The following PARVA variants were observed in gnomAD, a reference collection of about 807,000 sequenced individuals.
PARVA encodes the protein parvin alpha.
In PARVA, 25 loss-of-function variants were observed where a neutral mutation model predicts 52.6. That is an observed-to-expected ratio of 0.48 (90% CI 0.35 to 0.66). PARVA has a LOEUF of 0.66. Among genes scored for constraint, PARVA ranks in the 30% least tolerant of loss-of-function variants. The pLI is 0.01. For missense variants in PARVA, 373 were observed against 450.9 expected, an observed-to-expected ratio of 0.83 and a Z score of 1.56; for synonymous variants, 185 against 179.1, an observed-to-expected ratio of 1.03 and a Z score of -0.26.
At chr11:12,377,455 G>A, upstream of PARVA, 1 of 1,400,730 alleles carries the variant, frequency 7.1e-7, no homozygotes, top group Non-Finnish European at 9.2e-7. Flanking sequence ...CTCCTTCCAG[G>A]GCAGAGGGCG....
At chr11:12,454,332 A>G (rs1169850199) in intron 1 of PARVA, among the ~76,000 whole-genome samples, 1 of 152,222 alleles carries the variant, frequency 6.6e-6, no homozygotes, top group Non-Finnish European at 1.5e-5. Flanking sequence ...ACAAATTGCC[A>G]CTTAATGTAA....
chr11:12,452,796 TATTAA>T, intron 1 of PARVA: 1 of 288,340 alleles, frequency 3.5e-6, no homozygotes, highest in East Asian at 8.1e-5. Context: ...AGTGGCATCG[TATTAA>T]ATTATATAGG....
intron 4 of PARVA, among the ~76,000 whole-genome samples, chr11:12,483,453 C>A (rs922754205): frequency 6.6e-6 from 1 of 152,204 alleles, no homozygotes; most frequent in Non-Finnish European, 1.5e-5. Context: ...CATAGCTGGG[C>A]CCTCTGAGAA....
intron 1 of PARVA, among the ~76,000 whole-genome samples, chr11:12,413,860 A>G (rs1412650668): frequency 6.6e-6 from 1 of 152,228 alleles, no homozygotes; most frequent in Non-Finnish European, 1.5e-5. Context: ...GGTTTCTTGA[A>G]CAGGAGAAAG....
Position 12,461,214 on chromosome 11 carries a change from C to T in PARVA, c.137-12531C>T, listed in dbSNP as rs577612824. On this transcript the variant is annotated intron_variant, in intron 1 of 12. Transcript: ENST00000334956. Reference sequence around the variant, plus strand: ...CTAGCACCAGAGATGCCCATACATGCTTATGAATCTGTGAGATAAGTAATG... The same window carrying T: ...CTAGCACCAGAGATGCCCATACATGTTTATGAATCTGTGAGATAAGTAATG... 7.9e-5 allele frequency among the ~76,000 whole-genome samples: 12 copies of T among 152,302 alleles called. No individual in the cohort carries two copies. The South Asian group carries it at 2.5e-3, about 32-fold the overall frequency.
chr11:12,524,608 C>T (rs976915691), intron 12 of PARVA, among the ~76,000 whole-genome samples: 1 of 152,192 alleles, frequency 6.6e-6, no homozygotes, highest in African/African-American at 2.4e-5. Context: ...CTGCTCTTGG[C>T]CTTGCTCTCT....
At chr11:12,496,620 G>T in intron 5 of PARVA, 22 bp downstream of exon 5, 1 of 1,607,036 alleles carries the variant, frequency 6.2e-7, no homozygotes, top group Non-Finnish European at 8.5e-7. Context: ...AAAGGAAAGG[G>T]GCACCATTAA....
At chr11:12,508,541 T>C (rs889390144) in intron 6 of PARVA, 43 bp from the exon 7 acceptor site, 12 of 1,397,234 alleles carry the variant, frequency 8.6e-6, no homozygotes, top group Non-Finnish European at 1.2e-5. Flanking sequence ...TAAAGCATAG[T>C]TTTCTCTTCT....
chr11:12,424,907 C>G (rs559383183), intron 1 of PARVA, among the ~76,000 whole-genome samples: 1 of 152,266 alleles, frequency 6.6e-6, no homozygotes, highest in South Asian at 2.1e-4. Context: ...TGTAGGATAG[C>G]TCATACTTGT....
At chr11:12,408,270 C>T (rs773518966) in intron 1 of PARVA, among the ~76,000 whole-genome samples, 2 of 152,118 alleles carry the variant, frequency 1.3e-5, no homozygotes, top group African/African-American at 4.8e-5. Context: ...TGCCACTGAC[C>T]GTTTCATGTT....
intron 1 of PARVA, among the ~76,000 whole-genome samples, chr11:12,383,581 G>A (rs373597951): frequency 1.7e-4 from 26 of 152,254 alleles, no homozygotes; most frequent in Admixed American, 5.9e-4. Flanking sequence ...ACAAATTTAT[G>A]GTTTCTAGAG....
At chr11:12,384,296 TG>T (rs1939539764) in intron 1 of PARVA, among the ~76,000 whole-genome samples, 1 of 152,210 alleles carries the variant, frequency 6.6e-6, no homozygotes, top group African/African-American at 2.4e-5. Flanking sequence ...TCTACCTGCT[TG>T]TCTTTTCTTA....
chr11:12,522,419 TTC>T (rs1491066319), intron 12 of PARVA, among the ~76,000 whole-genome samples: 1 of 55,512 alleles, frequency 1.8e-5, no homozygotes, highest in African/African-American at 5.4e-5. Flanking sequence ...AAGAGCTTTA[TTC>T]TTTTTTTTTT....
rs1182636657 is a variant in PARVA, at chr11:12,489,017, T to C, written c.401-7441T>C. On this transcript the variant is annotated intron_variant, in intron 4 of 12. Coordinates refer to ENST00000334956, the MANE Select transcript of PARVA (RefSeq NM_018222.5). The stretch of plus-strand genomic sequence containing the variant: ...CTGTAGATTCATCCCACAAATACTA[T>C]AAATATTAGAAACTGTTGAGCTATA... 3.3e-5 allele frequency among the ~76,000 whole-genome samples: 5 copies of C among 151,980 alleles called. No individual in the cohort carries two copies. In the East Asian group the frequency reaches 7.7e-4, roughly 23 times the overall value.
At chr11:12,512,467 G>T (rs907743548) in intron 8 of PARVA, among the ~76,000 whole-genome samples, 1 of 151,860 alleles carries the variant, frequency 6.6e-6, no homozygotes, top group Non-Finnish European at 1.5e-5. Context: ...CCAGCCCCAG[G>T]TTCACCTTGG....
intron 1 of PARVA, among the ~76,000 whole-genome samples, chr11:12,401,291 AT>A: frequency 6.6e-6 from 1 of 152,358 alleles, no homozygotes; most frequent in South Asian, 2.1e-4. Flanking sequence ...GTTAATAAAT[AT>A]CTACAGAAAA....
chr11:12,442,553 G>A (rs769846985), intron 1 of PARVA, among the ~76,000 whole-genome samples: 6 of 152,054 alleles, frequency 3.9e-5, no homozygotes, highest in Non-Finnish European at 5.9e-5. Flanking sequence ...GGGAGATGTG[G>A]AGGAGATGTA....
chr11:12,416,535 A>G lies in PARVA; in HGVS notation c.136+38752A>G, dbSNP rs543134209. Among the ~76,000 whole-genome samples the G allele has an allele frequency of 7.2e-5, 11 of 152,336 alleles. 1 individual carries two copies. In the South Asian group the frequency reaches 8.3e-4, roughly 11 times the overall value. On this transcript the variant is annotated intron_variant, in intron 1 of 12. Coordinates refer to ENST00000334956, the MANE Select transcript of PARVA (RefSeq NM_018222.5). ...CCTGAAGATTTCACAGACAGCTTAT[A>G]TGGCTCTCTGTACAGCTGGAACCTT...
rs763274857 is a variant in PARVA at position 12,377,685 on chromosome 11, A to G, written c.38A>G (p.Lys13Arg). 5 of 1,568,842 alleles carry G rather than the reference A, an allele frequency of 3.2e-6. No homozygotes were observed. Among genetic ancestry groups the G allele is most frequent in the Non-Finnish European group, 4.3e-6 (5 of 1,162,306 alleles). ...TSPQKSPSVP[K>R]SPTPKSPPSR... ...CCGCAGAAGTCGCCTTCTGTCCCCAAGTCTCCCACTCCCAAGTCGCCCCCG... is the reference window on the plus strand; with the variant it reads ...CCGCAGAAGTCGCCTTCTGTCCCCAGGTCTCCCACTCCCAAGTCGCCCCCG... Residue 13 changes from lysine (K) to arginine (R), a missense_variant, in exon 1 of 13, where the codon AAG (lysine) becomes AGG (arginine). Lys to Arg is a conservative substitution (Grantham distance 26). Coordinates refer to ENST00000334956, the MANE Select transcript of PARVA (RefSeq NM_018222.5).
Sources: allele counts gnomAD v4.1 joint callset (sites outside exome capture counted in the v4.1 genomes callset), GRCh38; gene constraint gnomAD v4.1.1; transcripts MANE v1.5; gene names NCBI Gene and HGNC (gene_info 2026-07-23, HGNC 2026-07-21).